The following SAXO1 variants were observed in gnomAD, a reference collection of about 807,000 sequenced individuals.
SAXO1 encodes 4930500O09Rik.
In SAXO1, 21 loss-of-function variants were observed where a neutral mutation model predicts 17.5. That is an observed-to-expected ratio of 1.20 (90% CI 0.85 to 1.72). The LOEUF (loss-of-function observed/expected upper bound fraction) is 1.72. Ranked by LOEUF, SAXO1 falls within the 40% of genes most tolerant of loss-of-function variation. The pLI, the probability that SAXO1 is intolerant of heterozygous loss-of-function variation, is 0.00. For missense variants in SAXO1, 843 were observed against 596.0 expected (o/e 1.41, Z -4.32); for synonymous variants, 274 against 216.5 (o/e 1.27, Z -2.33).
intron 1 of SAXO1, among the ~76,000 whole-genome samples, chr9:19,042,536 G>A (rs113979819): frequency 6.6e-6 from 1 of 152,250 alleles, no homozygotes; most frequent in African/African-American, 2.4e-5. Context: ...AGATTTGGAA[G>A]CAATCTAAGT....
chr9:18,937,919 A>G (rs1196380442), intron 3 of SAXO1, among the ~76,000 whole-genome samples: 3 of 152,232 alleles, frequency 2.0e-5, no homozygotes, highest in African/African-American at 7.2e-5. Flanking sequence ...AAAAAACCTC[A>G]TAAGACACAC....
intron 1 of SAXO1, chr9:19,028,092 G>C (rs541546615): frequency 6.2e-7 from 1 of 1,612,020 alleles, no homozygotes; most frequent in East Asian, 2.2e-5. Context: ...GCATCCTGGA[G>C]GTCCAGGCCA....
chr9:19,038,627 G>C (rs1293017983), intron 1 of SAXO1, among the ~76,000 whole-genome samples: 1 of 115,252 alleles, frequency 8.7e-6, no homozygotes, highest in Non-Finnish European at 1.7e-5. Context: ...GGAGGGGGGA[G>C]GGATAGCATG....
Position 18,928,678 on chromosome 9 carries a change from G to A in SAXO1, c.799C>T (p.Pro267Ser), listed in dbSNP as rs113182590. ...CGAAACTCAGTGGTGTTACAGAAAG[G>A]CATGTCTAGCCCAGGAGGCCTGGCT... ...PLARPPGLDM[P>S]FCNTTEFRDK... Residue 267 changes from proline to serine, a missense_variant, in exon 4 of 4, where the codon CCT becomes TCT. Transcript: ENST00000380534. 4.5e-3 allele frequency: 7,339 copies of A among 1,614,128 alleles called. 224 individuals carry two copies. The African/African-American group carries it at 0.074, about 16-fold the overall frequency.
intron 1 of SAXO1, among the ~76,000 whole-genome samples, chr9:18,991,044 G>C (rs1022314468): frequency 3.3e-5 from 5 of 152,132 alleles, no homozygotes; most frequent in Non-Finnish European, 7.4e-5. Flanking sequence ...GATCACCTGA[G>C]GTCAGGAGTT....
intron 1 of SAXO1, among the ~76,000 whole-genome samples, chr9:18,961,306 G>C (rs1854156): frequency 0.2 from 30,881 of 151,952 alleles, 5,444 homozygotes; most frequent in African/African-American, 0.48. Context: ...CAGTAGCTGG[G>C]ACCACAGGCA....
chr9:19,024,954 TA>T (rs1835412921), intron 1 of SAXO1, among the ~76,000 whole-genome samples: 1 of 152,180 alleles, frequency 6.6e-6, no homozygotes, highest in Admixed American at 6.5e-5. Flanking sequence ...CTGCAGACTA[TA>T]AGGTCGAATA....
rs1254358746 is a variant in SAXO1 at position 18,928,571 on chromosome 9, A to T, written c.906T>A (p.Asp302Glu). The change falls in exon 4 of 4, where the codon GAT becomes GAA. Residue 302 changes from aspartate to glutamate, a missense_variant. Coordinates refer to ENST00000380534, the MANE Select transcript of SAXO1 (RefSeq NM_153707.4). ...AATGGGCCTGCACTGTTGTCAGAAGATCCATCCTGTCTTCGGGAGGGACGT... is the reference window on the plus strand; with the variant it reads ...AATGGGCCTGCACTGTTGTCAGAAGTTCCATCCTGTCTTCGGGAGGGACGT... ...ITYVPPEDRMDLLTTVQAHYT... is the reference protein window; with the variant it reads ...ITYVPPEDRMELLTTVQAHYT... 3 of 1,613,914 alleles carry T rather than the reference A, an allele frequency of 1.9e-6. No individual in the cohort carries two copies. The highest frequency in any genetic ancestry group is 3.3e-5 in the Admixed American group (2 of 59,982).
chr9:18,944,112 C>T (rs548475190), intron 2 of SAXO1, among the ~76,000 whole-genome samples: 1 of 152,156 alleles, frequency 6.6e-6, no homozygotes, highest in Non-Finnish European at 1.5e-5. Context: ...AAGCCAATCG[C>T]CTTTTCCAGT....
chr9:19,002,995 C>T (rs1834339217), intron 1 of SAXO1, among the ~76,000 whole-genome samples: 1 of 152,188 alleles, frequency 6.6e-6, no homozygotes, highest in Non-Finnish European at 1.5e-5. Context: ...TAGAAAACCC[C>T]ATCATCTCAG....
At chr9:19,002,661 G>C (rs1490571040) in intron 1 of SAXO1, among the ~76,000 whole-genome samples, 1 of 152,194 alleles carries the variant, frequency 6.6e-6, no homozygotes, top group Non-Finnish European at 1.5e-5. Flanking sequence ...TATCTCAATA[G>C]ATGCAGAAAA....
In SAXO1 at chr9:19,049,106, C is replaced by G. The variant is rs1836290314; in HGVS notation, c.-158+103G>C. 1 of 152,614 alleles carries G rather than the reference C, an allele frequency of 6.6e-6. No individual in the cohort carries two copies. Among genetic ancestry groups the G allele is most frequent in the African/African-American group, 2.4e-5 (1 of 41,472 alleles). 9.5% of individuals were successfully genotyped at this position (152,614 alleles called of 1,614,324 possible). A position where few individuals can be genotyped will look rare whatever the true frequency, so the allele number is the denominator to read the frequency against. ...AGTCGGCTGCCCCTGCGGAAACCGGCCCGACACACCTCGCTCCTAAAGCCA... is the reference window on the plus strand; with the variant it reads ...AGTCGGCTGCCCCTGCGGAAACCGGGCCGACACACCTCGCTCCTAAAGCCA... On this transcript the variant is annotated intron_variant, in intron 1 of 3. Coordinates refer to the SAXO1 transcript ENST00000542071. The surrounding 1 kb of genome is among the most constrained non-coding windows in gnomAD (Gnocchi z 5.4).
At chr9:18,963,752 A>T (rs1832592916) in intron 1 of SAXO1, among the ~76,000 whole-genome samples, 1 of 152,156 alleles carries the variant, frequency 6.6e-6, no homozygotes, top group Non-Finnish European at 1.5e-5. Flanking sequence ...AGACAATTTG[A>T]CTTCCTCTCT....
chr9:19,027,504 AGGGGTGCTGGC>A (rs1835541124), intron 1 of SAXO1: 9 of 860,472 alleles, frequency 1.0e-5, no homozygotes, highest in African/African-American at 1.7e-5. Context: ...AACATCCAAA[AGGGGTGCTGGC>A]CCCCAGGGAC....
chr9:18,952,185 C>G (rs1800867935), intron 1 of SAXO1, among the ~76,000 whole-genome samples: 1 of 152,214 alleles, frequency 6.6e-6, no homozygotes, highest in African/African-American at 2.4e-5. Flanking sequence ...GCTGGGGTCC[C>G]TCTCATCATC....
At chr9:18,984,672 G>A (rs945250539) in intron 1 of SAXO1, among the ~76,000 whole-genome samples, 2 of 152,166 alleles carry the variant, frequency 1.3e-5, no homozygotes, top group Non-Finnish European at 2.9e-5. Context: ...CTTGCTCTGG[G>A]TGTTAGGCTT....
intron 1 of SAXO1, among the ~76,000 whole-genome samples, chr9:18,985,705 C>G (rs1833566319): frequency 6.6e-6 from 1 of 152,196 alleles, no homozygotes; most frequent in Non-Finnish European, 1.5e-5. Context: ...CTCCCCTGCC[C>G]TTTCTGTTCC....
chr9:18,954,141 A>G (rs7849807), intron 1 of SAXO1, among the ~76,000 whole-genome samples: 83,007 of 152,002 alleles, frequency 0.55, 26,346 homozygotes, highest in Non-Finnish European at 0.71. Context: ...TTAGCCTACC[A>G]GAACTCTCTA....
chr9:19,011,295 T>G (rs1424945779), intron 1 of SAXO1, among the ~76,000 whole-genome samples: 1 of 152,180 alleles, frequency 6.6e-6, no homozygotes, highest in Non-Finnish European at 1.5e-5. Flanking sequence ...TTTGAGCCCA[T>G]TGCCACTTTC....
Sources: gnomAD v4.1 joint callset for allele counts (sites outside exome capture counted in the v4.1 genomes callset) on GRCh38, gnomAD v4.1.1 for gene constraint, Gnocchi (gnomAD v3.1) non-coding constraint, MANE v1.5 for transcripts, NCBI Gene and HGNC (gene_info 2026-07-23, HGNC 2026-07-21) for gene names.